TAF15: variants seen among roughly 807,000 people sequenced by gnomAD.
TAF15 encodes the protein TATA-binding protein-associated factor 2N.
Under a neutral mutation model 102.5 loss-of-function variants are expected in TAF15, and 37 were observed. The observed-to-expected ratio is 0.36, with a 90% CI of 0.28 to 0.47. The LOEUF is 0.47. Among genes scored for constraint, TAF15 ranks in the 20% least tolerant of loss-of-function variants. The pLI is 0.99. For synonymous variants in TAF15, 273 were observed against 259.2 expected, an observed-to-expected ratio of 1.05 and a Z score of -0.51; for missense variants, 652 against 760.7, an observed-to-expected ratio of 0.86 and a Z score of 1.68.
At chr17:35,809,748 C>A in intron 1 of TAF15, 172 bp downstream of exon 1, 1 of 827,634 alleles carries the variant, frequency 1.2e-6, no homozygotes, top group South Asian at 1.5e-5. Flanking sequence ...CGCACGCTCC[C>A]AATGGCTCCC....
intron 11 of TAF15, among the ~76,000 whole-genome samples, chr17:35,842,149 A>G (rs1424378314): frequency 6.6e-6 from 1 of 151,004 alleles, no homozygotes; most frequent in Non-Finnish European, 1.5e-5. Flanking sequence ...TTTTTTTTTT[A>G]AGCTTAGTAA....
chr17:35,821,592 T>TCC (rs370258459), intron 5 of TAF15, among the ~76,000 whole-genome samples: 1 of 151,200 alleles, frequency 6.6e-6, no homozygotes, highest in Admixed American at 6.6e-5. Flanking sequence ...ATCTTTTTTG[T>TCC]CCCCCCCCAG....
At chr17:35,827,916 G>A (rs1252745523) in intron 7 of TAF15, among the ~76,000 whole-genome samples, 1 of 152,010 alleles carries the variant, frequency 6.6e-6, no homozygotes, top group African/African-American at 2.4e-5. Context: ...CTTTGAAAAA[G>A]CAATTGTAGC....
rs767049320 is a variant in TAF15 at position 35,847,005 on chromosome 17, T to G, written c.*60T>G. The G allele has an allele frequency of 2.0e-6, 3 of 1,493,540 alleles. No individual in the cohort carries two copies. The highest frequency in any genetic ancestry group is 2.7e-6 in the Non-Finnish European group (3 of 1,100,250). 92.5% of individuals were successfully genotyped at this position (1,493,540 alleles called of 1,614,324 possible). A position where few individuals can be genotyped will look rare whatever the true frequency, so the allele number is the denominator to read the frequency against. On this transcript the variant is annotated 3_prime_UTR_variant, in exon 16 of 16. Transcript: ENST00000605844. Reference sequence around the variant, plus strand: ...ATCCATAGTGAAATTGCCAGAGTTTTGCCTGCTGCTTTCCTCGTGGCCTCT... The same window carrying G: ...ATCCATAGTGAAATTGCCAGAGTTTGGCCTGCTGCTTTCCTCGTGGCCTCT...
At chr17:35,815,658 TTAACC>T (rs1224219421) in intron 1 of TAF15, among the ~76,000 whole-genome samples, 55 of 152,340 alleles carry the variant, frequency 3.6e-4, no homozygotes, top group African/African-American at 1.3e-3. Flanking sequence ...AGGATATAGT[TTAACC>T]TAAAGCTTCA....
chr17:35,825,290 T>C (rs1049717199), intron 7 of TAF15, among the ~76,000 whole-genome samples: 11 of 152,216 alleles, frequency 7.2e-5, no homozygotes, highest in African/African-American at 2.7e-4. Context: ...GGACATTAAG[T>C]CTGTTGATAG....
intron 8 of TAF15, 51 bp downstream of exon 8, chr17:35,833,992 A>G: frequency 1.3e-6 from 2 of 1,589,470 alleles, no homozygotes; most frequent in African/African-American, 1.3e-5. Flanking sequence ...ATATAAATCT[A>G]AAAGCCACCA....
At chr17:35,823,077 CT>C (rs2087282992) in intron 6 of TAF15, among the ~76,000 whole-genome samples, 1 of 152,130 alleles carries the variant, frequency 6.6e-6, no homozygotes, top group Non-Finnish European at 1.5e-5. Context: ...TCTCAGTGAA[CT>C]CTGATCCTTG....
Position 35,846,887 on chromosome 17 carries a change from CTTTA to C in TAF15, c.1740-15_1740-12del. The C allele has an allele frequency of 6.2e-7, 1 of 1,613,750 alleles. No individual in the cohort carries two copies. The highest frequency in any genetic ancestry group is 1.1e-5 in the South Asian group (1 of 91,058). On this transcript the variant is annotated splice_polypyrimidine_tract_variant and intron_variant, in intron 15 of 15. Coordinates refer to ENST00000605844, the MANE Select transcript of TAF15 (RefSeq NM_139215.3). ...TAGAAAATTAGAATTTAGTCCGGCT[CTTTA>C]TTTTTCATTCCTAGAAACGACTACA...
intron 10 of TAF15, among the ~76,000 whole-genome samples, chr17:35,836,530 G>A (rs542333533): frequency 2.6e-4 from 40 of 152,300 alleles, no homozygotes; most frequent in African/African-American, 7.9e-4. Flanking sequence ...AGGAGTTGCT[G>A]AGAACATTTT....
rs1179661131 is a variant in TAF15 at position 35,844,335 on chromosome 17, C to T, written c.1144C>T (p.Pro382Ser). 6.2e-7 allele frequency: 1 copy of T among 1,614,202 alleles called. No individual in the cohort carries two copies. The highest frequency in any genetic ancestry group is 1.1e-5 in the South Asian group (1 of 91,078). Residue 382 changes from proline (P) to serine (S), a missense_variant, in exon 14 of 16, where the codon CCT (proline) becomes TCT (serine). Coordinates refer to ENST00000605844, the MANE Select transcript of TAF15 (RefSeq NM_139215.3). ...GAATTCCTGCAATCAGTGCAATGAG[C>T]CTAGACCAGAGGACTCTCGTCCCTC... ...RRNSCNQCNE[P>S]RPEDSRPSGG... is the part of the protein sequence containing the mutation.
chr17:35,842,606 A>G, intron 12 of TAF15, 147 bp downstream of exon 12: 1 of 662,424 alleles, frequency 1.5e-6, no homozygotes. Context: ...CAGGTACTGA[A>G]TATATTAGGT....
chr17:35,811,762 T>G (rs770973956), intron 1 of TAF15, among the ~76,000 whole-genome samples: 10 of 152,234 alleles, frequency 6.6e-5, no homozygotes, highest in Non-Finnish European at 1.5e-4. Flanking sequence ...AAATACTGTT[T>G]ACAACGTGAA....
In TAF15 at chr17:35,844,180, G is replaced by A. The variant is rs777411937; in HGVS notation, c.1088+22G>A. The A allele has an allele frequency of 2.5e-6, 4 of 1,613,898 alleles. No individual in the cohort carries two copies. The Admixed American group carries it at 5.0e-5, about 20-fold the overall frequency. On this transcript the variant is annotated intron_variant, in intron 13 of 15. Coordinates refer to ENST00000605844, the MANE Select transcript of TAF15 (RefSeq NM_139215.3). ...ATCCGTAAGTGTCTTGTTTACTTTG[G>A]TGAGAGTAGGGGTTGGGATTGGGGC...
Position 35,809,507 on chromosome 17 carries a change from G to A in TAF15, c.-63G>A, listed in dbSNP as rs1292333845. 3 of 1,610,060 alleles carry A rather than the reference G, an allele frequency of 1.9e-6. No individual in the cohort carries two copies. The highest frequency in any genetic ancestry group is 2.5e-6 in the Non-Finnish European group (3 of 1,179,258). On this transcript the variant is annotated 5_prime_UTR_variant, in exon 1 of 16. Coordinates refer to ENST00000605844, the MANE Select transcript of TAF15 (RefSeq NM_139215.3). Reference sequence around the variant, plus strand: ...TCAGTACAGCTCCGGCCGCCGCGCCGCCTGGCTTTCGTATTCGTTGTTCTC... The same window carrying A: ...TCAGTACAGCTCCGGCCGCCGCGCCACCTGGCTTTCGTATTCGTTGTTCTC...
At chr17:35,828,476 G>A (rs1044639923) in intron 7 of TAF15, among the ~76,000 whole-genome samples, 2 of 152,222 alleles carry the variant, frequency 1.3e-5, no homozygotes, top group Non-Finnish European at 1.5e-5. Context: ...GCCTGCGCCT[G>A]TAATCCTAGC....
intron 11 of TAF15, among the ~76,000 whole-genome samples, chr17:35,839,539 GC>G (rs1251647290): frequency 2.0e-5 from 3 of 151,584 alleles, no homozygotes; most frequent in African/African-American, 7.3e-5. Context: ...CCGCCACCAC[GC>G]CCTGCTAATT....
At chr17:35,830,758 A>G (rs550920913) in intron 7 of TAF15, among the ~76,000 whole-genome samples, 3 of 152,318 alleles carry the variant, frequency 2.0e-5, no homozygotes, top group African/African-American at 7.2e-5. Flanking sequence ...TTAGACTTAA[A>G]TGTGCATATG....
At chr17:35,838,183 A>G (rs893611191) in intron 10 of TAF15, among the ~76,000 whole-genome samples, 2 of 152,184 alleles carry the variant, frequency 1.3e-5, no homozygotes, top group Admixed American at 1.3e-4. Context: ...CCCTGTCTCA[A>G]TTAAAAAAAA....
Sources: allele counts gnomAD v4.1 joint callset (sites outside exome capture counted in the v4.1 genomes callset), GRCh38; gene constraint gnomAD v4.1.1; transcripts MANE v1.5; gene names NCBI Gene and HGNC (gene_info 2026-07-23, HGNC 2026-07-21).